Variants in APP observed in about 807,000 individuals in gnomAD.
APP encodes the protein amyloid-beta precursor protein.
Under a neutral mutation model 101.4 loss-of-function variants are expected in APP, and 31 were observed. The ratio of observed to expected loss-of-function variants is 0.31; its 90% CI spans 0.23 to 0.41. The LOEUF (loss-of-function observed/expected upper bound fraction) is 0.41. Ranked by LOEUF, APP falls within the 10% of genes least tolerant of loss-of-function variation. The probability of loss-of-function intolerance (pLI) is 1.00; values close to 1 mark genes in which losing one functional copy is unlikely to be tolerated. For missense variants in APP, 839 were observed against 1,003.7 expected, an observed-to-expected ratio of 0.84 and a Z score of 2.22; for synonymous variants, 366 against 364.4, an observed-to-expected ratio of 1.00 and a Z score of -0.05.
At chr21:25,887,523 A>G (rs926249185) in intron 17 of APP, among the ~76,000 whole-genome samples, 1 of 148,704 alleles carries the variant, frequency 6.7e-6, no homozygotes, top group African/African-American at 2.5e-5. Flanking sequence ...ATTTGAAAAA[A>G]AAAAAAAAAA....
chr21:25,881,140 A>G lies in APP; in HGVS notation c.*530T>C. On this transcript the variant is annotated 3_prime_UTR_variant, in exon 18 of 18. Coordinates refer to ENST00000346798, the MANE Select transcript of APP (RefSeq NM_000484.4). ...GCAGAAGCAGCAATCTGTACAGTAA[A>G]ATGCAGTCATGGAAAAAAAATCTCT... 1 of 185,656 alleles carries G rather than the reference A, an allele frequency of 5.4e-6. No individual in the cohort carries two copies. The highest frequency in any genetic ancestry group is 1.1e-5 in the Non-Finnish European group (1 of 87,390). 11.5% of individuals were successfully genotyped at this position (185,656 alleles called of 1,614,324 possible).
chr21:25,887,578 C>G (rs2037417505), intron 17 of APP, among the ~76,000 whole-genome samples: 1 of 144,942 alleles, frequency 6.9e-6, no homozygotes, highest in Admixed American at 7.0e-5. Flanking sequence ...ATGCTAACAA[C>G]TCTACCAATA....
intron 5 of APP, among the ~76,000 whole-genome samples, chr21:26,037,914 T>C (rs1350749602): frequency 6.6e-6 from 1 of 152,236 alleles, no homozygotes; most frequent in Non-Finnish European, 1.5e-5. Context: ...ATATCTTCTC[T>C]TACTTATTAG....
At chr21:26,103,064 A>T (rs1191966706) in intron 2 of APP, among the ~76,000 whole-genome samples, 2 of 152,166 alleles carry the variant, frequency 1.3e-5, no homozygotes, top group African/African-American at 4.8e-5. Flanking sequence ...TACTGTGGTC[A>T]TCTATGATTC....
chr21:25,916,955 C>G (rs756088728), intron 13 of APP, among the ~76,000 whole-genome samples: 1 of 152,088 alleles, frequency 6.6e-6, no homozygotes, highest in Non-Finnish European at 1.5e-5. Flanking sequence ...ACCCCATCAC[C>G]TTGCTCTTTT....
rs181963402 is a variant in APP, at chr21:26,094,204, C to G, written c.226-4132G>C. Among the ~76,000 whole-genome samples, 15 of 151,982 alleles carry G rather than the reference C, an allele frequency of 9.9e-5. No homozygotes were observed. The East Asian group carries it at 2.9e-3, about 29-fold the overall frequency. ...TTAAAATGGAAGCAGTAAATTCAAC[C>G]TGATTCAGTTACTTTTATTCAGAGA... On this transcript the variant is annotated intron_variant, in intron 2 of 17. Coordinates refer to ENST00000346798, the MANE Select transcript of APP (RefSeq NM_000484.4).
intron 3 of APP, among the ~76,000 whole-genome samples, chr21:26,057,002 G>A (rs2046068907): frequency 1.3e-5 from 2 of 152,080 alleles, no homozygotes; most frequent in Admixed American, 6.5e-5. Flanking sequence ...GGCTTAGCAC[G>A]GTTTATATTT....
intron 1 of APP, among the ~76,000 whole-genome samples, chr21:26,132,442 A>T (rs2062814837): frequency 6.6e-6 from 1 of 152,224 alleles, no homozygotes; most frequent in South Asian, 2.1e-4. Flanking sequence ...CAAGATCCCA[A>T]GGCACTGAAT....
intron 8 of APP, among the ~76,000 whole-genome samples, chr21:25,985,494 T>C (rs992188383): frequency 2.6e-5 from 4 of 152,262 alleles, no homozygotes; most frequent in African/African-American, 9.6e-5. Flanking sequence ...GTCAGGATAT[T>C]GGTCTTCTCT....
intron 3 of APP, among the ~76,000 whole-genome samples, chr21:26,083,183 C>A (rs1337211058): frequency 6.6e-6 from 1 of 152,072 alleles, no homozygotes; most frequent in African/African-American, 2.4e-5. Context: ...AGGCATTCCG[C>A]CAATAACTGT....
intron 11 of APP, among the ~76,000 whole-genome samples, chr21:25,973,709 G>A (rs181133648): frequency 3.3e-5 from 5 of 152,166 alleles, no homozygotes; most frequent in African/African-American, 1.2e-4. Context: ...GTGGGAGGCC[G>A]AGGTGGGTGG....
intron 1 of APP, among the ~76,000 whole-genome samples, chr21:26,121,039 G>A (rs2062556673): frequency 6.6e-6 from 1 of 152,130 alleles, no homozygotes; most frequent in Non-Finnish European, 1.5e-5. Flanking sequence ...AGAAGAGAGT[G>A]GGCTGAGAAA....
chr21:26,021,893 C>G lies in APP; in HGVS notation c.812G>C (p.Ser271Thr), dbSNP rs757873970. The change falls in exon 6 of 18, where the codon AGC (serine) becomes ACC (threonine). Residue 271 changes from serine (S) to threonine (T), a missense_variant. Coordinates refer to ENST00000346798, the MANE Select transcript of APP (RefSeq NM_000484.4). ...PYEEATERTT[S>T]IATTTTTTTE... is the part of the protein sequence containing the mutation. ...GGTGGTGGTGGTGGTGGTGGCAATG[C>G]TGGTGGTTCTCTCTGTGGCTTCTTC... 1 of 1,613,370 alleles carries G rather than the reference C, an allele frequency of 6.2e-7. No individual in the cohort carries two copies. The highest frequency in any genetic ancestry group is 8.5e-7 in the Non-Finnish European group (1 of 1,179,704).
At chr21:25,898,011 T>TA in intron 15 of APP, 1 of 350,244 alleles carries the variant, frequency 2.9e-6, no homozygotes, top group Non-Finnish European at 5.3e-6. Flanking sequence ...TGGCTTGGCT[T>TA]ACGGGCTTAT....
chr21:26,154,120 A>C (rs2063329860), intron 1 of APP, among the ~76,000 whole-genome samples: 1 of 152,212 alleles, frequency 6.6e-6, no homozygotes, highest in Non-Finnish European at 1.5e-5. Flanking sequence ...TAAGCTGTCA[A>C]AAAGTATCAT....
intron 16 of APP, among the ~76,000 whole-genome samples, chr21:25,896,469 T>TAAGTA (rs1193811314): frequency 1.3e-5 from 2 of 152,102 alleles, no homozygotes; most frequent in African/African-American, 4.8e-5. Flanking sequence ...GAGATAACTT[T>TAAGTA]AAGTATTATT....
chr21:26,069,410 A>T (rs2046587253), intron 3 of APP, among the ~76,000 whole-genome samples: 1 of 152,138 alleles, frequency 6.6e-6, no homozygotes, highest in African/African-American at 2.4e-5. Flanking sequence ...CAGCTTGTTC[A>T]TCATGATCCT....
At chr21:26,122,013 G>C (rs549345203) in intron 1 of APP, among the ~76,000 whole-genome samples, 85 of 152,328 alleles carry the variant, frequency 5.6e-4, no homozygotes, top group Middle Eastern at 3.4e-3. Flanking sequence ...CATTTAACTA[G>C]AACATGCCCA....
intron 11 of APP, among the ~76,000 whole-genome samples, chr21:25,956,768 T>C (rs2041340287): frequency 6.6e-6 from 1 of 152,172 alleles, no homozygotes; most frequent in Non-Finnish European, 1.5e-5. Flanking sequence ...GTGTTATCCA[T>C]ATCCTATGGG....
Sources: allele counts gnomAD v4.1 joint callset (sites outside exome capture counted in the v4.1 genomes callset), GRCh38; gene constraint gnomAD v4.1.1; transcripts MANE v1.5; gene names NCBI Gene and HGNC (gene_info 2026-07-23, HGNC 2026-07-21).